CDKN2B-AS1: variants seen among roughly 807,000 people sequenced by gnomAD.
CDKN2B-AS1 encodes CDKN2B and CDKN2A antisense cis and trans regulatory RNA 1.
intron 1 of CDKN2B-AS1, among the ~76,000 whole-genome samples, chr9:22,032,192 G>A (rs74843882): frequency 6.6e-6 from 1 of 152,116 alleles, no homozygotes; most frequent in Non-Finnish European, 1.5e-5. Flanking sequence ...CTATACATAA[G>A]TCTACAAAAG....
At chr9:22,069,551 A>T (rs1321529351) in intron 4 of CDKN2B-AS1, among the ~76,000 whole-genome samples, 2 of 152,112 alleles carry the variant, frequency 1.3e-5, no homozygotes, top group Non-Finnish European at 2.9e-5. Flanking sequence ...TTATAGTTAC[A>T]CATAATTATG....
At chr9:22,092,442 C>A (rs1172789236) in intron 4 of CDKN2B-AS1, 3 of 152,124 alleles carry the variant, frequency 2.0e-5, no homozygotes, top group Non-Finnish European at 4.4e-5. Flanking sequence ...GGCTGTGAAT[C>A]CATCTGGTCC....
intron 1 of CDKN2B-AS1, among the ~76,000 whole-genome samples, chr9:22,014,525 T>C (rs60693449): frequency 0.031 from 4,781 of 152,244 alleles, 189 homozygotes; most frequent in African/African-American, 0.094. Flanking sequence ...CAGGTATATG[T>C]AAGAAAGACA....
chr9:21,995,669 C>T lies in CDKN2B-AS1; in HGVS notation n.29+508C>T. 1 of 152,948 alleles carries T rather than the reference C, an allele frequency of 6.5e-6. No individual in the cohort carries two copies. The highest frequency in any genetic ancestry group is 1.5e-5 in the Non-Finnish European group (1 of 68,490). 9.5% of individuals were successfully genotyped at this position (152,948 alleles called of 1,614,324 possible). On this transcript the variant is annotated intron_variant and non_coding_transcript_variant, in intron 1 of 4. Transcript: ENST00000650946. The surrounding 1 kb of genome is among the most constrained non-coding windows in gnomAD (Gnocchi z 5.7). ...GCAGGGCAAGGAAAGGAAGGAGCGG[C>T]AGAAAGGAGGGGTGAGTCGAGGACA... is the stretch of plus-strand genomic sequence containing the variant.
chr9:22,005,927 G>T lies in CDKN2B-AS1; in HGVS notation n.29+10766G>T. 1 of 1,584,448 alleles carries T rather than the reference G, an allele frequency of 6.3e-7. No individual in the cohort carries two copies. The highest frequency in any genetic ancestry group is 8.5e-7 in the Non-Finnish European group (1 of 1,172,290). ...TGGCAGCCTTCATCGAATTAGGTGGGTGGGGGTGGGAAATTGGGTAAGAAA... is the reference window on the plus strand; with the variant it reads ...TGGCAGCCTTCATCGAATTAGGTGGTTGGGGGTGGGAAATTGGGTAAGAAA... On this transcript the variant is annotated intron_variant and non_coding_transcript_variant, in intron 1 of 4. Coordinates refer to ENST00000650946, the Ensembl canonical transcript of CDKN2B-AS1. The surrounding 1 kb of genome is among the most constrained non-coding windows in gnomAD (Gnocchi z 4.9).
At chr9:22,022,778 C>T (rs1822067475) in intron 1 of CDKN2B-AS1, among the ~76,000 whole-genome samples, 1 of 152,126 alleles carries the variant, frequency 6.6e-6, no homozygotes, top group South Asian at 2.1e-4. Flanking sequence ...CTTTCCTTTC[C>T]ACAATTAGTG....
At chr9:22,064,091 G>A (rs1171091315) in intron 4 of CDKN2B-AS1, 2 of 152,158 alleles carry the variant, frequency 1.3e-5, no homozygotes, top group Non-Finnish European at 2.9e-5. Context: ...AGTATTTAAG[G>A]TCTAGGAACA....
chr9:22,097,319 T>C (rs1322427693), intron 4 of CDKN2B-AS1: 1 of 152,152 alleles, frequency 6.6e-6, no homozygotes, highest in Non-Finnish European at 1.5e-5. Context: ...GTGATTAAAC[T>C]GGGGCCATTC....
chr9:22,116,982 G>A (rs1206145969), intron 4 of CDKN2B-AS1, among the ~76,000 whole-genome samples: 1 of 152,216 alleles, frequency 6.6e-6, no homozygotes, highest in African/African-American at 2.4e-5. Context: ...AATATGGGAG[G>A]AAGATCAAAT....
chr9:22,014,121 A>C (rs1013919261), intron 1 of CDKN2B-AS1, among the ~76,000 whole-genome samples: 6 of 152,076 alleles, frequency 3.9e-5, no homozygotes, highest in Non-Finnish European at 5.9e-5. Flanking sequence ...TAATTTTACT[A>C]TTCCTTCATT....
At chr9:22,069,177 G>T (rs1268393310) in intron 4 of CDKN2B-AS1, among the ~76,000 whole-genome samples, 2 of 152,040 alleles carry the variant, frequency 1.3e-5, no homozygotes, top group Non-Finnish European at 2.9e-5. Flanking sequence ...TTCATTCCTG[G>T]GCCCCTGTCT....
intron 1 of CDKN2B-AS1, among the ~76,000 whole-genome samples, chr9:22,017,685 A>G (rs992251574): frequency 1.4e-4 from 21 of 152,242 alleles, no homozygotes; most frequent in African/African-American, 5.1e-4. Context: ...TTTTTATATG[A>G]ACAACATATT....
intron 1 of CDKN2B-AS1, chr9:22,029,521 C>G (rs750439513): frequency 1.3e-6 from 1 of 779,504 alleles, no homozygotes; most frequent in Non-Finnish European, 2.4e-6. Context: ...CATCTGATCT[C>G]CGTCCTGGCC....
chr9:22,048,684 GTGAAATT>G (rs1409622906), intron 2 of CDKN2B-AS1, among the ~76,000 whole-genome samples: 3 of 151,920 alleles, frequency 2.0e-5, no homozygotes, highest in Non-Finnish European at 4.4e-5. Flanking sequence ...CAACAAATGA[GTGAAATT>G]TGTAACCAAC....
At chr9:22,113,039 A>G (rs1587547051) in intron 4 of CDKN2B-AS1, among the ~76,000 whole-genome samples, 1 of 152,192 alleles carries the variant, frequency 6.6e-6, no homozygotes, top group African/African-American at 2.4e-5. Flanking sequence ...TTAGTTTTCT[A>G]TTGCATTATA....
chr9:22,012,314 C>T (rs1430009934), intron 1 of CDKN2B-AS1: 25 of 1,456,764 alleles, frequency 1.7e-5, no homozygotes, highest in East Asian at 4.6e-5. Flanking sequence ...GGAGGATGGC[C>T]GCACTCTCTC....
At position 22,001,536 on chromosome 9, in the gene CDKN2B-AS1, T is replaced by G. The variant is rs961684951; in HGVS notation, n.29+6375T>G. Among the ~76,000 whole-genome samples, 5 of 152,170 alleles carry G rather than the reference T, an allele frequency of 3.3e-5. No homozygotes were observed. Among genetic ancestry groups the G allele is most frequent in the African/African-American group, 1.2e-4 (5 of 41,454 alleles). Reference sequence around the variant, plus strand: ...TGCTTTTTGACCCATACATTAATTTTCATTACTGTGCTTAATATACAATCC... The same window carrying G: ...TGCTTTTTGACCCATACATTAATTTGCATTACTGTGCTTAATATACAATCC... On this transcript the variant is annotated intron_variant and non_coding_transcript_variant, in intron 1 of 4. Coordinates refer to ENST00000650946, the Ensembl canonical transcript of CDKN2B-AS1. This position sits in a 1 kb window ranked among gnomAD's most constrained non-coding sequence, Gnocchi z 4.2.
chr9:22,005,128 G>GTA lies in CDKN2B-AS1; in HGVS notation n.29+9968_29+9969insAT. The GTA allele has an allele frequency of 4.3e-6, 1 of 233,160 alleles. No homozygotes were observed. The highest frequency in any genetic ancestry group is 8.5e-6 in the Non-Finnish European group (1 of 118,146). 14.4% of individuals were successfully genotyped at this position (233,160 alleles called of 1,614,324 possible). ...CATCCTAGCATGTGTGTGTGTGTGT[G>GTA]TGTGTGTGTGTGTGAAAGAAAACGT... On this transcript the variant is annotated intron_variant and non_coding_transcript_variant, in intron 1 of 4. Coordinates refer to ENST00000650946, the Ensembl canonical transcript of CDKN2B-AS1. The surrounding 1 kb of genome is among the most constrained non-coding windows in gnomAD (Gnocchi z 4.9).
At chr9:22,011,876 AC>A (rs1248529155) in intron 1 of CDKN2B-AS1, among the ~76,000 whole-genome samples, 2 of 152,186 alleles carry the variant, frequency 1.3e-5, no homozygotes, top group African/African-American at 2.4e-5. Flanking sequence ...GGCAGCTGAA[AC>A]TTGGAATTGT....
Sources: gnomAD v4.1 joint callset for allele counts (sites outside exome capture counted in the v4.1 genomes callset) on GRCh38, gnomAD v4.1.1 for gene constraint, Gnocchi (gnomAD v3.1) non-coding constraint, MANE v1.5 for transcripts, NCBI Gene and HGNC (gene_info 2026-07-23, HGNC 2026-07-21) for gene names.